Variants in FOXN3 observed in about 807,000 individuals in gnomAD.
FOXN3 encodes the protein forkhead box N3, also known as forkhead box protein N3.
FOXN3 carries 7 observed loss-of-function variants against 38.4 expected under a neutral mutation model. The ratio of observed to expected loss-of-function variants is 0.18; its 90% CI spans 0.10 to 0.34. The LOEUF is 0.34. Among genes scored for constraint, FOXN3 ranks in the 10% least tolerant of loss-of-function variants. The pLI is 1.00. For synonymous variants in FOXN3, 230 were observed against 242.2 expected, an observed-to-expected ratio of 0.95 and a Z score of 0.47; for missense variants, 456 against 613.4, an observed-to-expected ratio of 0.74 and a Z score of 2.71.
chr14:89,237,836 CATTAT>C (rs1016948575), intron 4 of FOXN3, among the ~76,000 whole-genome samples: 5 of 152,196 alleles, frequency 3.3e-5, no homozygotes, highest in African/African-American at 1.2e-4. Context: ...TACTACATTG[CATTAT>C]ATTATATGAC....
At chr14:89,471,337 C>T (rs1007705687) in intron 1 of FOXN3, among the ~76,000 whole-genome samples, 2 of 152,144 alleles carry the variant, frequency 1.3e-5, no homozygotes, top group Non-Finnish European at 2.9e-5. Flanking sequence ...TGTGGTGGCT[C>T]GTGCCTGTAG....
At chr14:89,611,816 A>G (rs1596332953) in intron 1 of FOXN3, among the ~76,000 whole-genome samples, 2 of 151,940 alleles carry the variant, frequency 1.3e-5, no homozygotes, top group East Asian at 1.9e-4. Flanking sequence ...AAAAAAAAAA[A>G]AAAAAAAAAA....
intron 4 of FOXN3, among the ~76,000 whole-genome samples, chr14:89,279,711 T>G (rs1886400994): frequency 6.6e-6 from 1 of 152,182 alleles, no homozygotes; most frequent in Non-Finnish European, 1.5e-5. Flanking sequence ...CGATGATTAT[T>G]AAAATTAGGT....
intron 1 of FOXN3, among the ~76,000 whole-genome samples, chr14:89,555,099 G>C (rs1012222707): frequency 4.3e-5 from 6 of 141,172 alleles, no homozygotes; most frequent in Non-Finnish European, 7.6e-5. Flanking sequence ...CCAAATATTA[G>C]CATTTCTTTC....
intron 1 of FOXN3, among the ~76,000 whole-genome samples, chr14:89,568,445 T>C (rs1294362137): frequency 4.6e-5 from 7 of 152,060 alleles, no homozygotes; most frequent in African/African-American, 1.7e-4. Flanking sequence ...TGCCACACTC[T>C]CCCTCACAGT....
At chr14:89,424,275 C>A (rs1891976884) in intron 1 of FOXN3, among the ~76,000 whole-genome samples, 1 of 152,074 alleles carries the variant, frequency 6.6e-6, no homozygotes, top group South Asian at 2.1e-4. Flanking sequence ...ACGTGTGAAA[C>A]AATTTGCAAA....
chr14:89,480,451 TCA>T (rs1324918803), intron 1 of FOXN3, among the ~76,000 whole-genome samples: 1 of 151,906 alleles, frequency 6.6e-6, no homozygotes, highest in East Asian at 1.9e-4. Context: ...CATGCTGAAC[TCA>T]GTGTGTTGAC....
intron 4 of FOXN3, among the ~76,000 whole-genome samples, chr14:89,214,846 A>T (rs1382304794): frequency 6.6e-6 from 1 of 152,246 alleles, no homozygotes; most frequent in African/African-American, 2.4e-5. Flanking sequence ...GCTCCTTGGG[A>T]GTAATACAAT....
At chr14:89,294,666 C>T (rs577297498) in intron 3 of FOXN3, among the ~76,000 whole-genome samples, 1 of 152,254 alleles carries the variant, frequency 6.6e-6, no homozygotes, top group East Asian at 1.9e-4. Flanking sequence ...ATGAGAGTGA[C>T]CTCTGGTGGT....
At chr14:89,598,100 A>G (rs902412123) in intron 1 of FOXN3, among the ~76,000 whole-genome samples, 1 of 152,080 alleles carries the variant, frequency 6.6e-6, no homozygotes, top group Non-Finnish European at 1.5e-5. Flanking sequence ...CTAAACTTTA[A>G]AACATGCATC....
rs1430456909 is a variant in FOXN3, at chr14:89,582,009, T to C, written c.-15+37019A>G. Among the ~76,000 whole-genome samples, 3 of 152,308 alleles carry C rather than the reference T, an allele frequency of 2.0e-5. No individual in the cohort carries two copies. The East Asian group carries it at 5.8e-4, about 29-fold the overall frequency. On this transcript the variant is annotated intron_variant, in intron 1 of 6. Transcript: ENST00000345097. ...CAGATTCAGAGTACAAACATTTCACTGTTTTATTGGGAAGGAAGGAAGAAA... is the reference window on the plus strand; with the variant it reads ...CAGATTCAGAGTACAAACATTTCACCGTTTTATTGGGAAGGAAGGAAGAAA...
At chr14:89,345,309 C>T (rs927130589) in intron 3 of FOXN3, among the ~76,000 whole-genome samples, 2 of 150,788 alleles carry the variant, frequency 1.3e-5, no homozygotes, top group African/African-American at 2.4e-5. Context: ...CAAAAACAAT[C>T]GGGATATCTA....
At position 89,377,489 on chromosome 14, in the gene FOXN3, C is replaced by T. The variant is rs143849372; in HGVS notation, c.544-26681G>A. Among the ~76,000 whole-genome samples, 145 of 152,244 alleles carry T rather than the reference C, an allele frequency of 9.5e-4. 2 individuals carry two copies. Among genetic ancestry groups the T allele is most frequent in the African/African-American group, 3.4e-3 (141 of 41,540 alleles). Reference sequence around the variant, plus strand: ...TCTGAGCTTCATGCTGAAAAGTTTACAGGTGAGGTGCCATGATGCCTAAAA... The same window carrying T: ...TCTGAGCTTCATGCTGAAAAGTTTATAGGTGAGGTGCCATGATGCCTAAAA... On this transcript the variant is annotated intron_variant, in intron 2 of 5. Transcript: ENST00000557258.
chr14:89,480,706 A>C (rs993707690), intron 1 of FOXN3, among the ~76,000 whole-genome samples: 3 of 152,234 alleles, frequency 2.0e-5, no homozygotes, highest in African/African-American at 7.2e-5. Flanking sequence ...TTATCTTGGC[A>C]ACATTATTTG....
intron 3 of FOXN3, among the ~76,000 whole-genome samples, chr14:89,317,756 C>T (rs962150980): frequency 9.9e-5 from 15 of 151,888 alleles, no homozygotes; most frequent in African/African-American, 3.4e-4. Context: ...GGTACCAGTT[C>T]GGGGCCTGTT....
intron 1 of FOXN3, among the ~76,000 whole-genome samples, chr14:89,429,230 T>A (rs1051870917): frequency 6.6e-6 from 1 of 152,224 alleles, no homozygotes; most frequent in Non-Finnish European, 1.5e-5. Flanking sequence ...AAATCTGGCC[T>A]CGCAGATTTA....
intron 1 of FOXN3, among the ~76,000 whole-genome samples, chr14:89,581,531 T>TA (rs1895738589): frequency 6.6e-6 from 1 of 151,926 alleles, no homozygotes; most frequent in African/African-American, 2.4e-5. Context: ...GCACGTGGTT[T>TA]AAAGTTCCCT....
intron 2 of FOXN3, among the ~76,000 whole-genome samples, chr14:89,394,662 C>T (rs1007547848): frequency 6.6e-6 from 1 of 152,210 alleles, no homozygotes; most frequent in Non-Finnish European, 1.5e-5. Context: ...TGGCCTAGGG[C>T]ATCTGGCCAG....
intron 4 of FOXN3, among the ~76,000 whole-genome samples, chr14:89,264,761 G>A (rs1424853379): frequency 1.3e-5 from 2 of 152,316 alleles, no homozygotes; most frequent in African/African-American, 4.8e-5. Context: ...ACATCAGGAG[G>A]ATGCTGGTAC....
Sources: allele counts gnomAD v4.1 joint callset (sites outside exome capture counted in the v4.1 genomes callset), GRCh38; gene constraint gnomAD v4.1.1; transcripts MANE v1.5; gene names NCBI Gene and HGNC (gene_info 2026-07-23, HGNC 2026-07-21).